The following SETBP1 variants were observed in gnomAD, a reference collection of about 807,000 sequenced individuals.
SETBP1 encodes the protein SET binding protein 1.
A neutral mutation model predicts 101.0 loss-of-function variants in SETBP1; 9 were observed. That is an observed-to-expected ratio of 0.09 (90% CI 0.05 to 0.16). The LOEUF is 0.16. SETBP1 is among the 10% of genes least tolerant of loss of function. The pLI is 1.00. For synonymous variants in SETBP1, 818 were observed against 788.5 expected, an observed-to-expected ratio of 1.04 and a Z score of -0.63; for missense variants, 1,858 against 2,033.8, an observed-to-expected ratio of 0.91 and a Z score of 1.66.
intron 4 of SETBP1, among the ~76,000 whole-genome samples, chr18:44,977,802 C>T (rs536986566): frequency 2.0e-5 from 3 of 152,266 alleles, no homozygotes; most frequent in African/African-American, 7.2e-5. Context: ...GAGAGAACAC[C>T]TTTCACTTTG....
chr18:44,734,473 TGACATTCTAGGATCTTCCCA>T (rs975169660), intron 2 of SETBP1, among the ~76,000 whole-genome samples: 8 of 152,190 alleles, frequency 5.3e-5, no homozygotes, highest in Admixed American at 2.6e-4. Context: ...AAATTTAGTT[TGACATTCTAGGATCTTCCCA>T]TTTCACCTGA....
intron 3 of SETBP1, among the ~76,000 whole-genome samples, chr18:44,935,868 G>A (rs1377084998): frequency 6.6e-6 from 1 of 152,150 alleles, no homozygotes; most frequent in Non-Finnish European, 1.5e-5. Context: ...AGGGGCTACA[G>A]GTTTTTACTG....
intron 2 of SETBP1, among the ~76,000 whole-genome samples, chr18:44,802,543 T>A (rs537147950): frequency 5.3e-5 from 8 of 152,284 alleles, no homozygotes; most frequent in African/African-American, 1.7e-4. Flanking sequence ...TGAAAAATAT[T>A]CCTAGACTTC....
chr18:44,938,957 C>CGTGTGT (rs1568227437), intron 3 of SETBP1, among the ~76,000 whole-genome samples: 6 of 87,818 alleles, frequency 6.8e-5, no homozygotes, highest in East Asian at 5.5e-4. Flanking sequence ...GGAGTGTGTG[C>CGTGTGT]ATGTGTGTGT....
intron 2 of SETBP1, among the ~76,000 whole-genome samples, chr18:44,755,542 C>A (rs183831777): frequency 6.6e-6 from 1 of 151,236 alleles, no homozygotes; most frequent in Non-Finnish European, 1.5e-5. Context: ...GGCTTTTGGA[C>A]TCTGGAACTT....
intron 2 of SETBP1, among the ~76,000 whole-genome samples, chr18:44,865,704 C>A (rs771458389): frequency 1.3e-5 from 2 of 151,898 alleles, no homozygotes; most frequent in Non-Finnish European, 2.9e-5. Context: ...TTGGTTAGAG[C>A]GTGGTTAGAA....
chr18:44,702,181 T>C (rs2069127517), intron 2 of SETBP1, among the ~76,000 whole-genome samples: 1 of 152,180 alleles, frequency 6.6e-6, no homozygotes, highest in South Asian at 2.1e-4. Context: ...ATTTATTAAG[T>C]GGAAGTGCAC....
At chr18:44,993,576 A>G (rs1048430736) in intron 4 of SETBP1, among the ~76,000 whole-genome samples, 5 of 152,060 alleles carry the variant, frequency 3.3e-5, no homozygotes, top group Non-Finnish European at 4.4e-5. Context: ...CAAAATACAT[A>G]TAGGATTTCA....
chr18:44,974,877 C>T (rs2071951592), intron 4 of SETBP1, among the ~76,000 whole-genome samples: 1 of 152,086 alleles, frequency 6.6e-6, no homozygotes, highest in African/African-American at 2.4e-5. Context: ...AACAAAGACA[C>T]CTAAGTAAAA....
chr18:44,891,799 A>G (rs909560753), intron 3 of SETBP1, among the ~76,000 whole-genome samples: 1 of 152,152 alleles, frequency 6.6e-6, no homozygotes, highest in African/African-American at 2.4e-5. Flanking sequence ...TAGTTTCTGT[A>G]TAATGGAGGC....
chr18:44,953,390 G>A, intron 4 of SETBP1, 50 bp downstream of exon 4: 2 of 1,519,516 alleles, frequency 1.3e-6, no homozygotes, highest in Non-Finnish European at 1.8e-6. Context: ...TTCATTGCTG[G>A]GCTTTGCACC....
At chr18:44,687,558 A>C (rs556957985) in intron 1 of SETBP1, among the ~76,000 whole-genome samples, 3 of 152,186 alleles carry the variant, frequency 2.0e-5, no homozygotes, top group Admixed American at 1.3e-4. Flanking sequence ...ATGTGAGGAC[A>C]TACCACTAAG....
intron 3 of SETBP1, among the ~76,000 whole-genome samples, chr18:44,898,557 C>T (rs1229315783): frequency 6.6e-6 from 1 of 152,068 alleles, no homozygotes; most frequent in East Asian, 1.9e-4. Context: ...CTCAAGGGGC[C>T]CCAATTTCCT....
chr18:44,858,262 C>T (rs1472521883), intron 2 of SETBP1, among the ~76,000 whole-genome samples: 1 of 152,332 alleles, frequency 6.6e-6, no homozygotes, highest in East Asian at 1.9e-4. Flanking sequence ...AAACAGCCAG[C>T]TGTCTCAGTC....
At chr18:44,713,679 G>A (rs2069395621) in intron 2 of SETBP1, among the ~76,000 whole-genome samples, 1 of 152,172 alleles carries the variant, frequency 6.6e-6, no homozygotes, top group East Asian at 1.9e-4. Flanking sequence ...TAGAAGCTAT[G>A]TCATTGTTCA....
chr18:44,818,840 C>G (rs1001379596), intron 2 of SETBP1, among the ~76,000 whole-genome samples: 11 of 151,972 alleles, frequency 7.2e-5, no homozygotes, highest in Admixed American at 1.3e-4. Flanking sequence ...CACCATCTCC[C>G]TCTGTGAAAA....
intron 4 of SETBP1, among the ~76,000 whole-genome samples, chr18:44,956,146 A>T (rs984047302): frequency 3.3e-5 from 5 of 152,058 alleles, no homozygotes; most frequent in African/African-American, 1.2e-4. Context: ...ATGTTCCTGC[A>T]TATCTTGTTA....
intron 2 of SETBP1, among the ~76,000 whole-genome samples, chr18:44,747,561 C>T (rs1466657575): frequency 6.6e-6 from 1 of 152,268 alleles, no homozygotes; most frequent in Non-Finnish European, 1.5e-5. Context: ...TTTTTATGCA[C>T]TGCTCCACAT....
intron 4 of SETBP1, among the ~76,000 whole-genome samples, chr18:45,011,821 G>C (rs748696838): frequency 9.2e-5 from 14 of 152,180 alleles, no homozygotes; most frequent in Non-Finnish European, 1.8e-4. Context: ...AGTCTCAGAA[G>C]ATGAAAGATG....
Sources: gnomAD v4.1 joint callset for allele counts (sites outside exome capture counted in the v4.1 genomes callset) on GRCh38, gnomAD v4.1.1 for gene constraint, MANE v1.5 for transcripts, NCBI Gene and HGNC (gene_info 2026-07-23, HGNC 2026-07-21) for gene names.